Variants in NR1D2 observed in about 807,000 individuals in gnomAD.
NR1D2 encodes nuclear receptor subfamily 1 group D member 2.
In NR1D2, 25 loss-of-function variants were observed where a neutral mutation model predicts 52.2. The ratio of observed to expected loss-of-function variants is 0.48; its 90% CI spans 0.35 to 0.67. NR1D2 has a LOEUF of 0.67. Ranked by LOEUF, NR1D2 falls within the 30% of genes least tolerant of loss-of-function variation. The probability of loss-of-function intolerance (pLI) is 0.01; values close to 1 mark genes in which losing one functional copy is unlikely to be tolerated. For missense variants in NR1D2, 681 were observed against 707.2 expected (o/e 0.96, Z 0.42); for synonymous variants, 259 against 230.1 (o/e 1.13, Z -1.14).
At position 23,980,178 on chromosome 3, in the gene NR1D2, ATTTAT is replaced by A. The variant is rs917629678; in HGVS notation, c.*2765_*2769del. On this transcript the variant is annotated 3_prime_UTR_variant, in exon 8 of 8. Coordinates refer to ENST00000312521, the MANE Select transcript of NR1D2 (RefSeq NM_005126.5). ...TACCATTGTAACTTGATAAGAGATG[ATTTAT>A]TTTATGTAAACATCTTTGCAAAGCA... The A allele has an allele frequency of 2.0e-5, 3 of 152,298 alleles. No individual in the cohort carries two copies. The highest frequency in any genetic ancestry group is 1.9e-4 in the East Asian group (1 of 5,188). 9.4% of individuals were successfully genotyped at this position (152,298 alleles called of 1,614,324 possible).
chr3:23,946,184 C>G (rs1388072243), intron 1 of NR1D2: 11 of 985,206 alleles, frequency 1.1e-5, no homozygotes, highest in Non-Finnish European at 1.3e-5. Flanking sequence ...GCTGAGCCCC[C>G]GCGGCGGGGC....
At chr3:23,963,434 G>C in intron 5 of NR1D2, 1 of 1,174,420 alleles carries the variant, frequency 8.5e-7, no homozygotes, top group South Asian at 1.6e-5. Context: ...TGGACCTTAT[G>C]TTAGGCTAAG....
chr3:23,947,888 C>T (rs569840480), intron 1 of NR1D2, among the ~76,000 whole-genome samples: 39 of 152,174 alleles, frequency 2.6e-4, no homozygotes, highest in South Asian at 1.4e-3. Flanking sequence ...GAGGCTGAGC[C>T]GGGCGGATCC....
chr3:23,967,788 A>T lies in NR1D2; in HGVS notation c.1333-25A>T, dbSNP rs67657770. On this transcript the variant is annotated intron_variant, in intron 6 of 7. Transcript: ENST00000312521. ...TTATTATTGCTGTTAGACTTCTCCA[A>T]ATACATTTCTTTTTCTTTTTCCAGG... 5.1e-6 allele frequency: 8 copies of T among 1,579,028 alleles called. No individual in the cohort carries two copies. The African/African-American group carries it at 9.5e-5, about 19-fold the overall frequency.
intron 1 of NR1D2, 35 bp from the exon 2 acceptor site, chr3:23,954,502 G>C (rs559492799): frequency 6.3e-7 from 1 of 1,577,146 alleles, no homozygotes; most frequent in Non-Finnish European, 8.7e-7. Context: ...GTATTATCTT[G>C]TATCTAATTA....
In NR1D2 at chr3:23,955,988, G is replaced by T. The variant is rs775116233; in HGVS notation, c.284-49G>T. The T allele has an allele frequency of 2.3e-6, 3 of 1,305,928 alleles. 1 individual carries two copies. The South Asian group carries it at 3.6e-5, about 16-fold the overall frequency. 80.9% of individuals were successfully genotyped at this position (1,305,928 alleles called of 1,614,324 possible). On this transcript the variant is annotated intron_variant, in intron 2 of 7. Coordinates refer to ENST00000312521, the MANE Select transcript of NR1D2 (RefSeq NM_005126.5). ...AAAATATCTAATTGGAAAGAAAACA[G>T]ACTCGGTGTTTCCTCCTACTTTTTA... is the stretch of plus-strand genomic sequence containing the variant.
intron 7 of NR1D2, among the ~76,000 whole-genome samples, chr3:23,970,708 A>G (rs187462225): frequency 1.3e-5 from 2 of 152,286 alleles, no homozygotes; most frequent in African/African-American, 4.8e-5. Flanking sequence ...CACATATATG[A>G]AGTTTCATGT....
intron 7 of NR1D2, among the ~76,000 whole-genome samples, chr3:23,972,677 C>G (rs1376248905): frequency 6.6e-6 from 1 of 152,048 alleles, no homozygotes; most frequent in Non-Finnish European, 1.5e-5. Flanking sequence ...CAATGAAGAA[C>G]CAGCTAAGGA....
intron 6 of NR1D2, among the ~76,000 whole-genome samples, chr3:23,965,531 A>T (rs1478682722): frequency 6.6e-6 from 1 of 151,772 alleles, no homozygotes; most frequent in African/African-American, 2.4e-5. Flanking sequence ...TACAGGTCTG[A>T]GCCACTGTGC....
chr3:23,971,856 T>G (rs1476111068), intron 7 of NR1D2, among the ~76,000 whole-genome samples: 1 of 152,204 alleles, frequency 6.6e-6, no homozygotes, highest in African/African-American at 2.4e-5. Flanking sequence ...TGTCATGATT[T>G]GATCAGTCAA....
chr3:23,946,663 G>C (rs1034133613), intron 1 of NR1D2: 13 of 152,156 alleles, frequency 8.5e-5, no homozygotes, highest in Non-Finnish European at 2.9e-5. Context: ...GTGATCATAG[G>C]TGACTCCAAC....
intron 1 of NR1D2, among the ~76,000 whole-genome samples, chr3:23,952,595 G>T (rs571633113): frequency 1.3e-5 from 2 of 151,884 alleles, no homozygotes; most frequent in South Asian, 4.2e-4. Context: ...GCGTGGTGGC[G>T]GGCGCCTGTA....
At position 23,945,551 on chromosome 3, in the gene NR1D2, C is replaced by A; in HGVS notation, c.-28C>A. ...CGCTGCCCCCTCTGCGGGAAGCGGGCGGCCCCGGCCGCCTCCGCGAGGGCA... is the reference window on the plus strand; with the variant it reads ...CGCTGCCCCCTCTGCGGGAAGCGGGAGGCCCCGGCCGCCTCCGCGAGGGCA... On this transcript the variant is annotated 5_prime_UTR_variant, in exon 1 of 8. Transcript: ENST00000312521. 8.7e-7 allele frequency: 1 copy of A among 1,147,822 alleles called. No individual in the cohort carries two copies. Among genetic ancestry groups the A allele is most frequent in the Non-Finnish European group, 1.1e-6 (1 of 927,548 alleles). 71.1% of individuals were successfully genotyped at this position (1,147,822 alleles called of 1,614,324 possible).
chr3:23,973,941 C>T (rs1272585499), intron 7 of NR1D2, among the ~76,000 whole-genome samples: 1 of 152,038 alleles, frequency 6.6e-6, no homozygotes. Flanking sequence ...CTGTCTTCCA[C>T]CTCCACATTT....
intron 1 of NR1D2, among the ~76,000 whole-genome samples, chr3:23,952,657 C>T (rs1215622524): frequency 6.7e-6 from 1 of 149,600 alleles, no homozygotes; most frequent in Non-Finnish European, 1.5e-5. Flanking sequence ...ACCCGGGAGG[C>T]GGAGGTTGCA....
Position 23,957,703 on chromosome 3 carries a change from G to A in NR1D2, c.372+1578G>A, listed in dbSNP as rs533354857. Among the ~76,000 whole-genome samples the A allele has an allele frequency of 2.6e-4, 39 of 151,058 alleles. 1 individual carries two copies. In the South Asian group the frequency reaches 8.1e-3, roughly 32 times the overall value. On this transcript the variant is annotated intron_variant, in intron 3 of 7. Coordinates refer to ENST00000312521, the MANE Select transcript of NR1D2 (RefSeq NM_005126.5). ...GCACCACTGCACTCCAAGCCTGGGC[G>A]ACAGAGCCAGATTCCGTCTCAAAAA...
chr3:23,976,439 T>C (rs962638267), intron 7 of NR1D2, among the ~76,000 whole-genome samples: 1 of 152,222 alleles, frequency 6.6e-6, no homozygotes, highest in Non-Finnish European at 1.5e-5. Context: ...TGGTCTCATA[T>C]GAAGGCTTGA....
intron 7 of NR1D2, among the ~76,000 whole-genome samples, chr3:23,971,005 T>G (rs1261985746): frequency 6.6e-6 from 1 of 152,146 alleles, no homozygotes; most frequent in Non-Finnish European, 1.5e-5. Context: ...AGTCTCGAAC[T>G]CCCAACCTCA....
At position 23,962,670 on chromosome 3, in the gene NR1D2, C is replaced by T. The variant is rs147195739; in HGVS notation, c.1146+65C>T. 1,275 of 1,464,548 alleles carry T rather than the reference C, an allele frequency of 8.7e-4. 20 individuals are homozygous for T. The African/African-American group carries it at 0.016, about 18-fold the overall frequency. The allele number at this position is 1,464,548 out of a possible 1,614,324, so 90.7% of individuals were successfully genotyped here. On this transcript the variant is annotated intron_variant, in intron 5 of 7. Coordinates refer to ENST00000312521, the MANE Select transcript of NR1D2 (RefSeq NM_005126.5). Reference sequence around the variant, plus strand: ...AAAGCTTTGAAAATTTTCTTTTATTCGGGAGATATGCTAACTTGGGGGGAT... The same window carrying T: ...AAAGCTTTGAAAATTTTCTTTTATTTGGGAGATATGCTAACTTGGGGGGAT...
Sources: gnomAD v4.1 joint callset for allele counts (sites outside exome capture counted in the v4.1 genomes callset) on GRCh38, gnomAD v4.1.1 for gene constraint, MANE v1.5 for transcripts, NCBI Gene and HGNC (gene_info 2026-07-23, HGNC 2026-07-21) for gene names.